The following CSMD1 variants were observed in gnomAD, a reference collection of about 807,000 sequenced individuals.
CSMD1 encodes the protein CUB and Sushi multiple domains 1.
Under a neutral mutation model 417.5 loss-of-function variants are expected in CSMD1, and 213 were observed. The observed-to-expected ratio is 0.51, with a 90% confidence interval of 0.46 to 0.57. CSMD1 has a LOEUF of 0.57. Ranked by LOEUF, CSMD1 falls within the 20% of genes least tolerant of loss-of-function variation. The pLI is 0.00. For missense variants in CSMD1, 6,923 were observed against 4,529.7 expected (o/e 1.53, Z -15.17); for synonymous variants, 2,862 against 1,736.8 (o/e 1.65, Z -16.11).
In CSMD1 at chr8:4,425,717, G is replaced by A. The variant is rs115654373; in HGVS notation, c.303-5652C>T. On this transcript the variant is annotated intron_variant, in intron 2 of 69. Transcript: ENST00000635120. ...TTATTTTCAACACATAGTAAATTAC[G>A]AAACATTTTGAAGTAAAATGGATTT... Among the ~76,000 whole-genome samples the A allele has an allele frequency of 3.6e-3, 550 of 152,182 alleles. 3 individuals carry two copies. The highest frequency in any genetic ancestry group is 0.013 in the African/African-American group (521 of 41,528).
intron 5 of CSMD1, among the ~76,000 whole-genome samples, chr8:3,922,284 T>C (rs527685606): frequency 1.3e-5 from 2 of 152,194 alleles, no homozygotes; most frequent in East Asian, 3.9e-4. Context: ...ACATAGTGAG[T>C]TCCTTTTAAA....
chr8:3,966,924 C>A (rs2740822), intron 5 of CSMD1, among the ~76,000 whole-genome samples: 1 of 152,010 alleles, frequency 6.6e-6, no homozygotes, highest in African/African-American at 2.4e-5. Flanking sequence ...AATTAAAAGG[C>A]TGGTCTTTAT....
intron 54 of CSMD1, among the ~76,000 whole-genome samples, chr8:2,990,689 G>A (rs1220782813): frequency 1.3e-5 from 2 of 152,180 alleles, no homozygotes; most frequent in East Asian, 1.9e-4. Context: ...GCTTTCTGGG[G>A]AGAGTGAGAA....
chr8:3,248,911 G>C (rs1800074315), intron 26 of CSMD1, among the ~76,000 whole-genome samples: 1 of 152,014 alleles, frequency 6.6e-6, no homozygotes. Flanking sequence ...ATGCTGTTTA[G>C]AGGCTCCCTG....
chr8:4,983,611 C>T (rs1811014255), intron 1 of CSMD1, among the ~76,000 whole-genome samples: 1 of 152,114 alleles, frequency 6.6e-6, no homozygotes, highest in Non-Finnish European at 1.5e-5. Context: ...CAACCTCTGT[C>T]TCTAGGGTTC....
chr8:4,824,630 C>T (rs974033442), intron 1 of CSMD1, among the ~76,000 whole-genome samples: 5 of 152,044 alleles, frequency 3.3e-5, no homozygotes, highest in Admixed American at 6.6e-5. Context: ...TATGTGTGTG[C>T]GAACACACCC....
intron 3 of CSMD1, among the ~76,000 whole-genome samples, chr8:4,089,817 G>A (rs897374887): frequency 6.6e-6 from 1 of 152,116 alleles, no homozygotes; most frequent in Non-Finnish European, 1.5e-5. Context: ...TTTGGTCTTG[G>A]AGGGTGAGAG....
intron 11 of CSMD1, among the ~76,000 whole-genome samples, chr8:3,472,890 G>A (rs1465598576): frequency 6.6e-6 from 1 of 151,832 alleles, no homozygotes; most frequent in African/African-American, 2.4e-5. Flanking sequence ...AACTGTTGGG[G>A]GAGTTTATTT....
chr8:3,111,218 A>G (rs2129016256), intron 42 of CSMD1, among the ~76,000 whole-genome samples: 1 of 152,324 alleles, frequency 6.6e-6, no homozygotes, highest in African/African-American at 2.4e-5. Flanking sequence ...AAACAGATAA[A>G]CAAAAAGAAA....
At chr8:3,552,627 G>T (rs970709068) in intron 10 of CSMD1, among the ~76,000 whole-genome samples, 13 of 152,192 alleles carry the variant, frequency 8.5e-5, no homozygotes, top group Non-Finnish European at 1.9e-4. Flanking sequence ...AGTGTAACGC[G>T]TATGCTACAG....
intron 20 of CSMD1, among the ~76,000 whole-genome samples, chr8:3,361,454 C>T (rs2117722445): frequency 6.6e-6 from 1 of 151,764 alleles, no homozygotes; most frequent in African/African-American, 2.4e-5. Context: ...CGGTGAAACC[C>T]TGTCTTTACT....
At chr8:3,132,838 C>T (rs1817867123) in intron 41 of CSMD1, among the ~76,000 whole-genome samples, 2 of 152,154 alleles carry the variant, frequency 1.3e-5, no homozygotes, top group Non-Finnish European at 2.9e-5. Context: ...ACACAAGCTC[C>T]AACTTCTTGC....
In CSMD1 at chr8:4,529,534, A is replaced by G. The variant is rs1017264454; in HGVS notation, c.302+107808T>C. 6.6e-5 allele frequency among the ~76,000 whole-genome samples: 10 copies of G among 152,220 alleles called. 1 individual carries two copies. The highest frequency in any genetic ancestry group is 8.8e-5 in the Non-Finnish European group (6 of 68,038). On this transcript the variant is annotated intron_variant, in intron 2 of 69. Transcript: ENST00000635120. Reference sequence around the variant, plus strand: ...AATTTCTAAAAATGCCTCTGTCTTCATTATTGACAGGGTAAATATAAGTAG... The same window carrying G: ...AATTTCTAAAAATGCCTCTGTCTTCGTTATTGACAGGGTAAATATAAGTAG...
chr8:3,759,414 C>G (rs1008809947), intron 5 of CSMD1, among the ~76,000 whole-genome samples: 2 of 152,162 alleles, frequency 1.3e-5, no homozygotes, highest in African/African-American at 4.8e-5. Flanking sequence ...CAACCAGTGA[C>G]TGAAGATCTA....
intron 5 of CSMD1, among the ~76,000 whole-genome samples, chr8:3,883,076 A>C (rs1326780005): frequency 6.6e-6 from 1 of 152,186 alleles, no homozygotes; most frequent in Non-Finnish European, 1.5e-5. Context: ...ATGTGTCTTG[A>C]CTATTTACTC....
At chr8:3,555,311 G>A (rs1462174661) in intron 10 of CSMD1, among the ~76,000 whole-genome samples, 1 of 152,114 alleles carries the variant, frequency 6.6e-6, no homozygotes, top group Non-Finnish European at 1.5e-5. Context: ...GAGGCTCACA[G>A]AGGTTTTCAT....
intron 1 of CSMD1, among the ~76,000 whole-genome samples, chr8:4,784,154 A>G (rs1017636168): frequency 1.4e-4 from 22 of 152,248 alleles, no homozygotes; most frequent in African/African-American, 4.8e-4. Context: ...TGCCTGATTC[A>G]TATTTATGTA....
intron 5 of CSMD1, among the ~76,000 whole-genome samples, chr8:3,895,859 G>A (rs1028486323): frequency 5.9e-5 from 9 of 152,102 alleles, no homozygotes; most frequent in Non-Finnish European, 8.8e-5. Context: ...CAGACAAGTC[G>A]GATGGGAATA....
rs1178204691 is a variant in CSMD1, at chr8:4,540,891, C to T, written c.302+96451G>A. On this transcript the variant is annotated intron_variant, in intron 2 of 69. Transcript: ENST00000635120. ...GGAAGTCTGACTCTCCGCCACTCTG[C>T]TAGTCTGCTATTTAATTTTATGAGG... Among the ~76,000 whole-genome samples, 19 of 152,254 alleles carry T rather than the reference C, an allele frequency of 1.2e-4. No homozygotes were observed. In the East Asian group the frequency reaches 3.5e-3, roughly 28 times the overall value.
Sources: allele counts gnomAD v4.1 joint callset (sites outside exome capture counted in the v4.1 genomes callset), GRCh38; gene constraint gnomAD v4.1.1; transcripts MANE v1.5; gene names NCBI Gene and HGNC (gene_info 2026-07-23, HGNC 2026-07-21).